Variants in CLEC17A observed in about 807,000 individuals in gnomAD.
CLEC17A encodes the protein C-type lectin domain containing 17A, also known as C-type lectin domain family 17, member A.
Under a neutral mutation model 61.3 loss-of-function variants are expected in CLEC17A, and 37 were observed. The ratio of observed to expected loss-of-function variants is 0.60; its 90% CI spans 0.46 to 0.79. The LOEUF is 0.79. Ranked by LOEUF, CLEC17A falls within the 30% of genes least tolerant of loss-of-function variation. CLEC17A has a pLI of 0.00. For synonymous variants in CLEC17A, 168 were observed against 164.9 expected, an observed-to-expected ratio of 1.02 and a Z score of -0.14; for missense variants, 418 against 464.7, an observed-to-expected ratio of 0.90 and a Z score of 0.92.
chr19:14,607,492 C>A (rs182455151), intron 13 of CLEC17A, among the ~76,000 whole-genome samples: 2 of 150,840 alleles, frequency 1.3e-5, no homozygotes, highest in South Asian at 2.1e-4. Context: ...CGTGAGCCAC[C>A]GCGCCCGGCC....
rs540817867 is a variant in CLEC17A, at chr19:14,586,720, C to T, written c.122-894C>T. Among the ~76,000 whole-genome samples the T allele has an allele frequency of 2.0e-5, 3 of 152,166 alleles. No individual in the cohort carries two copies. The East Asian group carries it at 5.8e-4, about 29-fold the overall frequency. On this transcript the variant is annotated intron_variant, in intron 2 of 13. Transcript: ENST00000417570. ...GGGATTATAGGCATGAGCCATTGCGCCCAGCCTATTTCTATGTCTCTTTAC... is the reference window on the plus strand; with the variant it reads ...GGGATTATAGGCATGAGCCATTGCGTCCAGCCTATTTCTATGTCTCTTTAC...
intron 4 of CLEC17A, among the ~76,000 whole-genome samples, chr19:14,593,076 A>G (rs189984552): frequency 8.5e-5 from 13 of 152,260 alleles, no homozygotes; most frequent in Middle Eastern, 3.4e-3. Flanking sequence ...GGGCTCCTCA[A>G]TCTCCTCTCA....
intron 2 of CLEC17A, among the ~76,000 whole-genome samples, chr19:14,587,040 C>T (rs1421046549): frequency 6.6e-6 from 1 of 151,828 alleles, no homozygotes; most frequent in Non-Finnish European, 1.5e-5. Flanking sequence ...AGGCAGGCAC[C>T]ACCACGCCCG....
chr19:14,607,125 G>C, intron 13 of CLEC17A, 23 bp downstream of exon 13: 1 of 1,173,142 alleles, frequency 8.5e-7, no homozygotes, highest in Non-Finnish European at 1.1e-6. Flanking sequence ...GTTTCCTGGG[G>C]TCTCTCTGCT....
rs2074317745 is a variant in CLEC17A, at chr19:14,587,674, A to T, written c.182A>T (p.Asp61Val). 6.2e-7 allele frequency: 1 copy of T among 1,605,648 alleles called. No homozygotes were observed. Among genetic ancestry groups the T allele is most frequent in the South Asian group, 1.1e-5 (1 of 89,742 alleles). ...DYENSTPPYK[D>V]LPPKPGTMEE... ...GAGAACTCAACACCTCCCTACAAGG[A>T]CCTTCCTCCCAAGCCAGGTAAGAGG... Residue 61 changes from aspartate (D) to valine (V), a missense_variant, in exon 3 of 14, where the codon GAC becomes GTC. Physicochemically the swap from Asp to Val is radical, Grantham distance 152. Transcript: ENST00000417570.
Position 14,611,371 on chromosome 19 carries a change from C to CTT in CLEC17A, c.*1198_*1199dup, listed in dbSNP as rs71166767. Among the ~76,000 whole-genome samples, 695 of 75,914 alleles carry CTT rather than the reference C, an allele frequency of 9.2e-3. 9 individuals are homozygous for CTT. The highest frequency in any genetic ancestry group is 0.015 in the Admixed American group (86 of 5,678). 49.8% of individuals were successfully genotyped at this position (75,914 alleles called of 152,430 possible). A position where few individuals can be genotyped will look rare whatever the true frequency, so the allele number is the denominator to read the frequency against. On this transcript the variant is annotated 3_prime_UTR_variant, in exon 14 of 14. Transcript: ENST00000417570. ...AGACTTGGCCCGTGGAACTTCTATC[C>CTT]TTTTTTTTTTTTTTTTTTTTTTTTG...
chr19:14,582,896 C>T (rs894810063), upstream of CLEC17A, among the ~76,000 whole-genome samples: 4 of 152,110 alleles, frequency 2.6e-5, no homozygotes, highest in Admixed American at 2.0e-4. Flanking sequence ...GCGAGAGCCA[C>T]CACACCAGGC....
chr19:14,594,826 A>C, intron 7 of CLEC17A, 26 bp downstream of exon 7: 1 of 1,604,848 alleles, frequency 6.2e-7, no homozygotes, highest in Non-Finnish European at 8.5e-7. Context: ...ACCCTTTAAG[A>C]TGCCTAAGAG....
At chr19:14,602,216 A>T (rs1041835846) in intron 12 of CLEC17A, among the ~76,000 whole-genome samples, 5 of 151,112 alleles carry the variant, frequency 3.3e-5, no homozygotes, top group African/African-American at 1.2e-4. Flanking sequence ...TTTTTCCCAG[A>T]CAGTATATAG....
At chr19:14,594,582 AG>A in intron 5 of CLEC17A, 33 bp downstream of exon 5, 1 of 1,613,286 alleles carries the variant, frequency 6.2e-7, no homozygotes, top group Non-Finnish European at 8.5e-7. Context: ...GGAGACCCAG[AG>A]CTGGCTTTGC....
At chr19:14,605,654 G>C (rs2074843857) in intron 12 of CLEC17A, among the ~76,000 whole-genome samples, 1 of 152,010 alleles carries the variant, frequency 6.6e-6, no homozygotes, top group Non-Finnish European at 1.5e-5. Flanking sequence ...CCATCAATTT[G>C]TTTGGAGAGG....
intron 7 of CLEC17A, 83 bp downstream of exon 7, chr19:14,594,883 A>T (rs904813985): frequency 5.2e-6 from 7 of 1,340,040 alleles, no homozygotes; most frequent in African/African-American, 1.5e-5. Context: ...TTATTTATTT[A>T]TTTTTTTTGA....
At chr19:14,606,461 C>G (rs998970261) in intron 12 of CLEC17A, among the ~76,000 whole-genome samples, 8 of 151,530 alleles carry the variant, frequency 5.3e-5, no homozygotes, top group Admixed American at 1.3e-4. Context: ...GGTGAATCAA[C>G]TGAGGTCAGA....
upstream of CLEC17A, among the ~76,000 whole-genome samples, chr19:14,581,062 G>T (rs997529165): frequency 6.6e-6 from 1 of 152,292 alleles, no homozygotes; most frequent in South Asian, 2.1e-4. Flanking sequence ...AGCCTGTCAG[G>T]TAAGAAATAC....
At chr19:14,588,609 A>T (rs1448018284) in intron 3 of CLEC17A, 1 of 152,024 alleles carries the variant, frequency 6.6e-6, no homozygotes, top group Non-Finnish European at 1.5e-5. Flanking sequence ...TGCTCCTGTG[A>T]GTAGCCGCTG....
chr19:14,586,820 T>C (rs2074291563), intron 2 of CLEC17A, among the ~76,000 whole-genome samples: 1 of 152,052 alleles, frequency 6.6e-6, no homozygotes, highest in African/African-American at 2.4e-5. Flanking sequence ...TGGTGCTCTG[T>C]AGGGGAGCTC....
chr19:14,593,521 G>A (rs1013279002), intron 4 of CLEC17A, among the ~76,000 whole-genome samples: 1 of 151,854 alleles, frequency 6.6e-6, no homozygotes, highest in African/African-American at 2.4e-5. Context: ...AAATTAGCCA[G>A]TTGTGGGATG....
At chr19:14,607,420 G>A (rs991058564) in intron 13 of CLEC17A, among the ~76,000 whole-genome samples, 1 of 151,670 alleles carries the variant, frequency 6.6e-6, no homozygotes, top group Admixed American at 6.6e-5. Context: ...AGCCAGGATG[G>A]TCTTGATCTC....
At chr19:14,589,525 G>T (rs147091044) in intron 3 of CLEC17A, among the ~76,000 whole-genome samples, 2 of 139,462 alleles carry the variant, frequency 1.4e-5, no homozygotes, top group East Asian at 4.1e-4. Flanking sequence ...TGAGCTCTTG[G>T]GTCCAAGCAA....
Sources: gnomAD v4.1 joint callset for allele counts (sites outside exome capture counted in the v4.1 genomes callset) on GRCh38, gnomAD v4.1.1 for gene constraint, MANE v1.5 for transcripts, NCBI Gene and HGNC (gene_info 2026-07-23, HGNC 2026-07-21) for gene names.